PDE1C: variants seen among roughly 807,000 people sequenced by gnomAD.
PDE1C encodes dual specificity calcium/calmodulin-dependent 3',5'-cyclic nucleotide phosphodiesterase 1C.
Under a neutral mutation model 93.1 loss-of-function variants are expected in PDE1C, and 62 were observed. The ratio of observed to expected loss-of-function variants is 0.67; its 90% CI spans 0.54 to 0.82. PDE1C has a LOEUF of 0.82. Among genes scored for constraint, PDE1C ranks in the 40% least tolerant of loss-of-function variants. The pLI is 0.00. For missense variants in PDE1C, 742 were observed against 884.6 expected (o/e 0.84, Z 2.04); for synonymous variants, 325 against 310.1 (o/e 1.05, Z -0.50).
intron 1 of PDE1C, among the ~76,000 whole-genome samples, chr7:32,329,851 G>A (rs376396716): frequency 4.9e-4 from 74 of 152,272 alleles, no homozygotes; most frequent in South Asian, 1.9e-3. Flanking sequence ...CCTTTATGCC[G>A]AAAACCGGTG....
At chr7:32,164,406 T>C (rs1315586032) in intron 3 of PDE1C, among the ~76,000 whole-genome samples, 1 of 152,206 alleles carries the variant, frequency 6.6e-6, no homozygotes, top group African/African-American at 2.4e-5. Flanking sequence ...CAAATTAGTA[T>C]AACCAATCAC....
chr7:32,076,988 G>A (rs1042735195), intron 3 of PDE1C, among the ~76,000 whole-genome samples: 2 of 150,738 alleles, frequency 1.3e-5, no homozygotes, highest in East Asian at 3.9e-4. Flanking sequence ...TGTAATCCCA[G>A]TACTTTTGGA....
intron 17 of PDE1C, among the ~76,000 whole-genome samples, chr7:31,763,416 A>T (rs990161480): frequency 6.6e-6 from 1 of 152,132 alleles, no homozygotes; most frequent in Non-Finnish European, 1.5e-5. Flanking sequence ...GTGACAGGAA[A>T]ATGAGCCCAT....
chr7:32,266,497 C>CAA (rs144336442), intron 1 of PDE1C, among the ~76,000 whole-genome samples: 7 of 149,358 alleles, frequency 4.7e-5, no homozygotes, highest in African/African-American at 1.5e-4. Context: ...GAGACTCCGT[C>CAA]AAAAAAAAAT....
chr7:32,386,934 G>A (rs548511061), intron 1 of PDE1C, among the ~76,000 whole-genome samples: 1 of 150,740 alleles, frequency 6.6e-6, no homozygotes, highest in African/African-American at 2.4e-5. Flanking sequence ...GGGGGATTTG[G>A]CAGGGTCATA....
intron 2 of PDE1C, among the ~76,000 whole-genome samples, chr7:31,934,102 T>C (rs1804695141): frequency 6.6e-6 from 1 of 152,210 alleles, no homozygotes; most frequent in South Asian, 2.1e-4. Flanking sequence ...TCTTGAATAG[T>C]TAAGTGCTTC....
intron 11 of PDE1C, among the ~76,000 whole-genome samples, chr7:31,828,864 GT>G (rs1199583802): frequency 6.6e-6 from 1 of 152,118 alleles, no homozygotes; most frequent in Non-Finnish European, 1.5e-5. Context: ...GTGCTTCTGG[GT>G]TTTTAACCTC....
At chr7:31,925,101 G>T (rs537648298) in intron 2 of PDE1C, among the ~76,000 whole-genome samples, 455 of 151,224 alleles carry the variant, frequency 3.0e-3, no homozygotes, top group African/African-American at 0.011. Flanking sequence ...GCATGCGCAT[G>T]AGTGTGTGTG....
intron 3 of PDE1C, among the ~76,000 whole-genome samples, chr7:32,094,174 G>A (rs1195728630): frequency 6.6e-6 from 1 of 152,160 alleles, no homozygotes; most frequent in East Asian, 1.9e-4. Context: ...GATACCTGTG[G>A]CCCACTGTAG....
chr7:32,299,932 A>C (rs1464287974), upstream of PDE1C, among the ~76,000 whole-genome samples: 1 of 152,218 alleles, frequency 6.6e-6, no homozygotes, highest in Non-Finnish European at 1.5e-5. Flanking sequence ...CTATTGTGAG[A>C]CTACAATTAA....
chr7:32,297,297 A>T (rs1391326752), intron 1 of PDE1C, among the ~76,000 whole-genome samples: 1 of 152,140 alleles, frequency 6.6e-6, no homozygotes, highest in African/African-American at 2.4e-5. Context: ...TACACATCCA[A>T]GCAGACACAG....
At chr7:32,365,720 T>C (rs139304833) in intron 1 of PDE1C, among the ~76,000 whole-genome samples, 33 of 152,272 alleles carry the variant, frequency 2.2e-4, no homozygotes, top group African/African-American at 7.5e-4. Context: ...CAACCCACCA[T>C]GTGCATGCAC....
intron 2 of PDE1C, among the ~76,000 whole-genome samples, chr7:32,027,326 G>T (rs1400968421): frequency 6.6e-6 from 1 of 151,914 alleles, no homozygotes; most frequent in Non-Finnish European, 1.5e-5. Context: ...ACCTAAAACT[G>T]CTCTACAAAA....
chr7:31,677,106 G>A, the PDE1C span, among the ~76,000 whole-genome samples: 5 of 152,270 alleles, frequency 3.3e-5, no homozygotes, highest in African/African-American at 7.2e-5. Context: ...ATTATCCAAA[G>A]CAGAGATGGA....
chr7:32,176,365 A>C (rs1802987283), intron 2 of PDE1C, among the ~76,000 whole-genome samples: 1 of 152,160 alleles, frequency 6.6e-6, no homozygotes, highest in South Asian at 2.1e-4. Flanking sequence ...ATATTTGTTT[A>C]TTTTTGCAAA....
At chr7:32,373,540 T>C (rs527651295) in intron 1 of PDE1C, among the ~76,000 whole-genome samples, 3 of 152,252 alleles carry the variant, frequency 2.0e-5, no homozygotes, top group Non-Finnish European at 2.9e-5. Flanking sequence ...AATGTTCTAA[T>C]GTTGATCATG....
At chr7:31,628,403 C>T in the PDE1C span, among the ~76,000 whole-genome samples, 1 of 152,014 alleles carries the variant, frequency 6.6e-6, no homozygotes, top group African/African-American at 2.4e-5. Context: ...AATCCCACAT[C>T]TGTCCCCCAG....
At chr7:32,151,494 T>C (rs1801255463) in intron 3 of PDE1C, among the ~76,000 whole-genome samples, 2 of 152,218 alleles carry the variant, frequency 1.3e-5, no homozygotes, top group African/African-American at 2.4e-5. Flanking sequence ...CAAATGCTAA[T>C]GTCCACCAAC....
intron 16 of PDE1C, among the ~76,000 whole-genome samples, chr7:31,776,041 C>A (rs1053087396): frequency 6.8e-6 from 1 of 147,604 alleles, no homozygotes; most frequent in African/African-American, 2.4e-5. Context: ...GTTGCCTGGG[C>A]GTCACCCCCA....
Sources: gnomAD v4.1 joint callset for allele counts (sites outside exome capture counted in the v4.1 genomes callset) on GRCh38, gnomAD v4.1.1 for gene constraint, MANE v1.5 for transcripts, NCBI Gene and HGNC (gene_info 2026-07-23, HGNC 2026-07-21) for gene names.